The following PTPRD variants were observed in gnomAD, a reference collection of about 807,000 sequenced individuals.
PTPRD encodes protein tyrosine phosphatase receptor type D, also known as receptor-type tyrosine-protein phosphatase delta.
A neutral mutation model predicts 214.5 loss-of-function variants in PTPRD; 34 were observed. The ratio of observed to expected loss-of-function variants is 0.16; its 90% CI spans 0.12 to 0.21. The LOEUF is 0.21. Among genes scored for constraint, PTPRD ranks in the 10% least tolerant of loss-of-function variants. The probability of loss-of-function intolerance (pLI) is 1.00; values close to 1 mark genes in which losing one functional copy is unlikely to be tolerated. For synonymous variants in PTPRD, 1,128 were observed against 845.7 expected (o/e 1.33, Z -5.79); for missense variants, 2,545 against 2,398.7 (o/e 1.06, Z -1.27).
chr9:9,791,638 G>A (rs1490177327), intron 5 of PTPRD, among the ~76,000 whole-genome samples: 4 of 151,976 alleles, frequency 2.6e-5, no homozygotes, highest in African/African-American at 9.7e-5. Flanking sequence ...TACATTATTT[G>A]CAGGGAGGAA....
chr9:10,411,901 A>G (rs899772948), intron 2 of PTPRD, among the ~76,000 whole-genome samples: 2 of 151,808 alleles, frequency 1.3e-5, no homozygotes, highest in Non-Finnish European at 2.9e-5. Context: ...AACCATTTCA[A>G]ATATTTATGA....
chr9:9,092,160 T>G (rs542266948), intron 10 of PTPRD, among the ~76,000 whole-genome samples: 1 of 152,214 alleles, frequency 6.6e-6, no homozygotes, highest in African/African-American at 2.4e-5. Context: ...CTCATTTTCA[T>G]GTTCTCTTCT....
At chr9:10,440,165 A>G (rs1364786556) in intron 2 of PTPRD, among the ~76,000 whole-genome samples, 2 of 151,634 alleles carry the variant, frequency 1.3e-5, no homozygotes, top group Non-Finnish European at 3.0e-5. Context: ...TAATAAATGT[A>G]CTTTACTAGA....
At chr9:9,162,512 A>G (rs2099891933) in intron 10 of PTPRD, among the ~76,000 whole-genome samples, 1 of 151,952 alleles carries the variant, frequency 6.6e-6, no homozygotes, top group Non-Finnish European at 1.5e-5. Flanking sequence ...TTGACTTTCC[A>G]TCTACATAAT....
chr9:8,849,593 G>A (rs2097773646), intron 11 of PTPRD, among the ~76,000 whole-genome samples: 1 of 152,168 alleles, frequency 6.6e-6, no homozygotes, highest in South Asian at 2.1e-4. Context: ...TAGAAAATGA[G>A]AGAATAATAG....
Position 10,448,449 on chromosome 9 carries a change from T to A in PTPRD, c.-599-107432A>T, listed in dbSNP as rs371260453. On this transcript the variant is annotated intron_variant, in intron 2 of 45. Transcript: ENST00000381196. ...ATTAATCAAGATCATATAAATCAGGTAAGTACTAAGTATAATAAGTATAAT... is the reference window on the plus strand; with the variant it reads ...ATTAATCAAGATCATATAAATCAGGAAAGTACTAAGTATAATAAGTATAAT... 6.6e-5 allele frequency among the ~76,000 whole-genome samples: 10 copies of A among 151,916 alleles called. 1 individual carries two copies. The highest frequency in any genetic ancestry group is 2.4e-4 in the African/African-American group (10 of 41,206).
At chr9:10,566,882 T>C (rs750093236) in intron 2 of PTPRD, among the ~76,000 whole-genome samples, 1 of 152,112 alleles carries the variant, frequency 6.6e-6, no homozygotes, top group African/African-American at 2.4e-5. Flanking sequence ...CTTATCCTCA[T>C]AGGAATAGTC....
At chr9:9,511,160 T>C (rs1038604614) in intron 8 of PTPRD, among the ~76,000 whole-genome samples, 2 of 151,812 alleles carry the variant, frequency 1.3e-5, no homozygotes, top group African/African-American at 4.8e-5. Flanking sequence ...TTTGTTGTAT[T>C]CAATTAAAAA....
chr9:9,317,354 G>A (rs1358610107), intron 9 of PTPRD, among the ~76,000 whole-genome samples: 2 of 152,176 alleles, frequency 1.3e-5, no homozygotes, highest in East Asian at 1.9e-4. Context: ...AGTTTCACAA[G>A]CATGTCAAAC....
chr9:9,428,968 A>G (rs1332118271), intron 8 of PTPRD, among the ~76,000 whole-genome samples: 1 of 152,224 alleles, frequency 6.6e-6, no homozygotes, highest in Admixed American at 6.5e-5. Flanking sequence ...TCTAAAATTG[A>G]CACCCTAATA....
At chr9:9,279,661 A>G (rs1946948143) in intron 9 of PTPRD, among the ~76,000 whole-genome samples, 2 of 150,892 alleles carry the variant, frequency 1.3e-5, no homozygotes, top group East Asian at 2.0e-4. Flanking sequence ...CAAGAAGAGA[A>G]TGTTTAAAAA....
chr9:8,322,338 C>G (rs776053006), intron 44 of PTPRD, among the ~76,000 whole-genome samples: 1 of 152,148 alleles, frequency 6.6e-6, no homozygotes, highest in Non-Finnish European at 1.5e-5. Flanking sequence ...CTAGGCCTCT[C>G]GCACCAAACA....
In PTPRD at chr9:8,900,074, A is replaced by G. The variant is rs116818953; in HGVS notation, c.-104+118623T>C. 1.5e-3 allele frequency among the ~76,000 whole-genome samples: 224 copies of G among 152,272 alleles called. 1 individual carries two copies. Among genetic ancestry groups the G allele is most frequent in the African/African-American group, 5.1e-3 (212 of 41,550 alleles). On this transcript the variant is annotated intron_variant, in intron 11 of 45. Transcript: ENST00000381196. Reference sequence around the variant, plus strand: ...GTATCAAAACTGCATTGTCAAGCTGAGTAATGGACTATTCTATTCAACGAC... The same window carrying G: ...GTATCAAAACTGCATTGTCAAGCTGGGTAATGGACTATTCTATTCAACGAC...
chr9:8,793,555 G>C (rs542234947), intron 11 of PTPRD, among the ~76,000 whole-genome samples: 1 of 152,244 alleles, frequency 6.6e-6, no homozygotes, highest in South Asian at 2.1e-4. Context: ...GGGATAATTT[G>C]TCATAAAGCA....
At chr9:9,234,485 C>T (rs948421342) in intron 9 of PTPRD, among the ~76,000 whole-genome samples, 1 of 152,176 alleles carries the variant, frequency 6.6e-6, no homozygotes, top group Non-Finnish European at 1.5e-5. Flanking sequence ...GTTCCTCATA[C>T]TTATGCAAAT....
At chr9:9,206,460 C>G (rs563108222) in intron 9 of PTPRD, among the ~76,000 whole-genome samples, 3 of 152,222 alleles carry the variant, frequency 2.0e-5, no homozygotes, top group African/African-American at 7.2e-5. Context: ...TGAGTGTCAA[C>G]TTGATTGGAC....
At chr9:8,833,654 T>C (rs1394014060) in intron 11 of PTPRD, among the ~76,000 whole-genome samples, 1 of 149,020 alleles carries the variant, frequency 6.7e-6, no homozygotes, top group Non-Finnish European at 1.5e-5. Context: ...CAGGCACCAT[T>C]CACAACATTA....
chr9:10,512,327 A>G (rs947374309), intron 2 of PTPRD, among the ~76,000 whole-genome samples: 1 of 152,004 alleles, frequency 6.6e-6, no homozygotes, highest in Non-Finnish European at 1.5e-5. Flanking sequence ...AGATTTCAAG[A>G]AACTGTGAAA....
At chr9:10,184,108 G>A (rs951370781) in intron 3 of PTPRD, among the ~76,000 whole-genome samples, 19 of 152,134 alleles carry the variant, frequency 1.2e-4, no homozygotes, top group Admixed American at 5.9e-4. Context: ...TCAATAATGA[G>A]ATGATGCACT....
Sources: gnomAD v4.1 joint callset for allele counts (sites outside exome capture counted in the v4.1 genomes callset) on GRCh38, gnomAD v4.1.1 for gene constraint, MANE v1.5 for transcripts, NCBI Gene and HGNC (gene_info 2026-07-23, HGNC 2026-07-21) for gene names.